The following DNAH17 variants were observed in gnomAD, a reference collection of about 807,000 sequenced individuals.
DNAH17 encodes axonemal beta dynein heavy chain 17.
DNAH17 carries 376 observed loss-of-function variants against 485.6 expected under a neutral mutation model. The ratio of observed to expected loss-of-function variants is 0.77; its 90% confidence interval spans 0.71 to 0.84. The LOEUF is 0.84. Ranked by LOEUF, DNAH17 falls within the 40% of genes least tolerant of loss-of-function variation. The probability of loss-of-function intolerance (pLI) is 0.00; values close to 1 mark genes in which losing one functional copy is unlikely to be tolerated. For synonymous variants in DNAH17, 3,031 were observed against 2,405.9 expected (o/e 1.26, Z -7.60); for missense variants, 6,370 against 5,839.3 (o/e 1.09, Z -2.96).
At chr17:78,552,623 G>T in intron 15 of DNAH17, 74 bp downstream of exon 15, 1 of 1,048,302 alleles carries the variant, frequency 9.5e-7, no homozygotes, top group Non-Finnish European at 1.5e-6. Flanking sequence ...CACTCTAGTG[G>T]TGTTTGAGGA....
intron 24 of DNAH17, 93 bp downstream of exon 24, chr17:78,526,555 GACC>G (rs1358663150): frequency 1.6e-5 from 18 of 1,090,994 alleles, no homozygotes; most frequent in African/African-American, 9.4e-5. Context: ...GTCCGGCGGA[GACC>G]ACGTTTCTGG....
At chr17:78,555,656 C>T (rs1434521073) in intron 14 of DNAH17, among the ~76,000 whole-genome samples, 7 of 151,278 alleles carry the variant, frequency 4.6e-5, no homozygotes, top group East Asian at 1.9e-4. Flanking sequence ...AATGTGGCCG[C>T]GAGGGTTAAT....
intron 13 of DNAH17, among the ~76,000 whole-genome samples, chr17:78,560,027 C>G (rs371680448): frequency 1.3e-5 from 2 of 152,182 alleles, no homozygotes; most frequent in Admixed American, 1.3e-4. Flanking sequence ...GCCCTTCCTG[C>G]TCTTCCTTCC....
intron 14 of DNAH17, among the ~76,000 whole-genome samples, chr17:78,553,275 G>GTT (rs2091943329): frequency 2.0e-5 from 2 of 98,402 alleles, no homozygotes; most frequent in Non-Finnish European, 4.1e-5. Flanking sequence ...CCAGTCCCAG[G>GTT]TTTTTGTGTT....
rs755168686 is a variant in DNAH17 at position 78,468,713 on chromosome 17, G to C, written c.8682C>G (p.Ile2894Met). Reference protein sequence around the residue: ...LFMEDEVENIISSMRPQVKSL... With the variant: ...LFMEDEVENIMSSMRPQVKSL... ...ACTTGACTTGGGGTCGCATGGAGGA[G>C]ATGATGTTCTCCACCTCGTCCTCCA... Residue 2894 changes from isoleucine (I) to methionine (M), a missense_variant, in exon 55 of 81, where the codon ATC (isoleucine) becomes ATG (methionine). By Grantham distance (10) the Ile-to-Met change is conservative (BLOSUM62 1). Transcript: ENST00000389840. The C allele has an allele frequency of 6.2e-7, 1 of 1,613,922 alleles. No individual in the cohort carries two copies. Among genetic ancestry groups the C allele is most frequent in the Non-Finnish European group, 8.5e-7 (1 of 1,179,908 alleles).
At chr17:78,544,542 C>T (rs1359531424) in intron 16 of DNAH17, among the ~76,000 whole-genome samples, 3 of 152,180 alleles carry the variant, frequency 2.0e-5, no homozygotes, top group African/African-American at 4.8e-5. Flanking sequence ...GTGGCCCATG[C>T]CTGTAATCCC....
chr17:78,501,382 T>C, intron 34 of DNAH17, 38 bp from the exon 35 acceptor site: 1 of 1,561,500 alleles, frequency 6.4e-7, no homozygotes, highest in Non-Finnish European at 8.7e-7. Flanking sequence ...CCAGGTGGAA[T>C]ACAAGAGCTA....
intron 40 of DNAH17, 100 bp from the exon 41 acceptor site, chr17:78,494,273 A>G (rs970618718): frequency 4.7e-6 from 7 of 1,495,514 alleles, no homozygotes; most frequent in Non-Finnish European, 6.2e-6. Flanking sequence ...GGAGATGATA[A>G]AGGCGCCCTT....
chr17:78,560,734 A>G lies in DNAH17; in HGVS notation c.2031+6T>C, dbSNP rs985839176. 3 of 1,546,848 alleles carry G rather than the reference A, an allele frequency of 1.9e-6. No homozygotes were observed. The highest frequency in any genetic ancestry group is 2.7e-5 in the African/African-American group (2 of 72,942). ...CTTTGACGCGGTCCCCACTCCTGGC[A>G]CCCACCGCTTTGCTGAAGTTGACGT... On this transcript the variant is annotated splice_donor_region_variant and intron_variant, in intron 13 of 80. Coordinates refer to ENST00000389840, the MANE Select transcript of DNAH17 (RefSeq NM_173628.4).
Position 78,439,215 on chromosome 17 carries a change from T to C in DNAH17, c.11680A>G (p.Lys3894Glu), listed in dbSNP as rs964398660. 1.2e-6 allele frequency: 2 copies of C among 1,600,948 alleles called. No homozygotes were observed. Among genetic ancestry groups the C allele is most frequent in the African/African-American group, 2.7e-5 (2 of 74,106 alleles). ...TTGTCTATGGTAAACCCTAGTTTTT[T>C]TCCTAAAGAAAAGAAAAACAGGAAA... ...DPLKDVEALG[K>E]KLGFTIDNGK... Residue 3894 changes from lysine (K) to glutamate (E), a missense_variant and splice_region_variant, in exon 73 of 81, where the codon AAA becomes GAA. Transcript: ENST00000389840.
At chr17:78,460,522 G>A (rs1598487764) in intron 58 of DNAH17, among the ~76,000 whole-genome samples, 3 of 152,234 alleles carry the variant, frequency 2.0e-5, no homozygotes, top group African/African-American at 7.2e-5. Flanking sequence ...CTGCCCCTCC[G>A]GCCACCACTC....
intron 20 of DNAH17, 137 bp downstream of exon 20, chr17:78,532,345 C>T (rs1006992525): frequency 7.3e-6 from 9 of 1,227,444 alleles, no homozygotes; most frequent in Non-Finnish European, 9.9e-6. Context: ...TAATGGTGGT[C>T]ACCTCCTGAT....
At chr17:78,491,700 T>A (rs1378116575) in intron 42 of DNAH17, 130 bp from the exon 43 acceptor site, 20 of 1,407,368 alleles carry the variant, frequency 1.4e-5, no homozygotes. Context: ...GCAGAGGCCC[T>A]CGGGCATGAG....
chr17:78,576,703 G>T (rs1329587483), intron 1 of DNAH17, among the ~76,000 whole-genome samples: 1 of 152,212 alleles, frequency 6.6e-6, no homozygotes, highest in African/African-American at 2.4e-5. Context: ...GGACTGGAGG[G>T]AAACATCCTC....
chr17:78,533,031 A>G, intron 19 of DNAH17: 1 of 278,862 alleles, frequency 3.6e-6, no homozygotes, highest in Non-Finnish European at 6.8e-6. Context: ...AGCTGGGACC[A>G]CAGGCACGTG....
chr17:78,427,857 C>T (rs1486718928), intron 77 of DNAH17, among the ~76,000 whole-genome samples: 1 of 151,660 alleles, frequency 6.6e-6, no homozygotes, highest in Non-Finnish European at 1.5e-5. Flanking sequence ...TAATCCCAGC[C>T]TGGGAGGCTG....
intron 65 of DNAH17, among the ~76,000 whole-genome samples, chr17:78,452,370 A>G (rs1263632589): frequency 6.6e-6 from 1 of 152,192 alleles, no homozygotes; most frequent in African/African-American, 2.4e-5. Flanking sequence ...GCCCGGCCAC[A>G]CGTGGAAAAT....
rs765616943 is a variant in DNAH17, at chr17:78,486,494, G to C, written c.6831C>G (p.Ser2277Arg). The C allele has an allele frequency of 6.2e-7, 1 of 1,607,802 alleles. No homozygotes were observed. Among genetic ancestry groups the C allele is most frequent in the Admixed American group, 1.7e-5 (1 of 59,854 alleles). The change falls in exon 45 of 81, where the codon AGC becomes AGG. Residue 2277 changes from serine (S) to arginine (R), a missense_variant. By Grantham distance (110) the Ser-to-Arg change is moderately radical. Coordinates refer to ENST00000389840, the MANE Select transcript of DNAH17 (RefSeq NM_173628.4). ...ACTGCACCTTGCGCCTCTCGATCCA[G>C]CTGCTCACCACCCTGGGGGTGACAG... The part of the protein sequence containing the change: ...ADLGWNPVVS[S>R]WIERRKVQSE...
At chr17:78,492,401 C>A (rs1437542117) in intron 42 of DNAH17, among the ~76,000 whole-genome samples, 1 of 152,192 alleles carries the variant, frequency 6.6e-6, no homozygotes, top group Non-Finnish European at 1.5e-5. Context: ...GGCCTGCAGT[C>A]CTCACCGTCC....
Sources: allele counts gnomAD v4.1 joint callset (sites outside exome capture counted in the v4.1 genomes callset), GRCh38; gene constraint gnomAD v4.1.1; transcripts MANE v1.5; gene names NCBI Gene and HGNC (gene_info 2026-07-23, HGNC 2026-07-21).